The following SORCS1 variants were observed in gnomAD, a reference collection of about 807,000 sequenced individuals.
SORCS1 encodes the protein VPS10 domain-containing receptor SorCS1.
In SORCS1, 60 loss-of-function variants were observed where a neutral mutation model predicts 146.1. The ratio of observed to expected loss-of-function variants is 0.41; its 90% CI spans 0.33 to 0.51. The LOEUF (loss-of-function observed/expected upper bound fraction) is 0.51, where lower values mean the gene tolerates loss of function less well. SORCS1 is among the 20% of genes least tolerant of loss of function. SORCS1 has a pLI of 0.21. For missense variants in SORCS1, 1,352 were observed against 1,487.6 expected (o/e 0.91, Z 1.50); for synonymous variants, 637 against 584.0 (o/e 1.09, Z -1.31).
At chr10:106,862,469 G>C (rs1950052911) in intron 2 of SORCS1, among the ~76,000 whole-genome samples, 1 of 151,862 alleles carries the variant, frequency 6.6e-6, no homozygotes. Flanking sequence ...ATGACATTTA[G>C]AAATAATCTC....
At position 106,622,280 on chromosome 10, in the gene SORCS1, T is replaced by C. The variant is rs1003883903; in HGVS notation, c.2663-1719A>G. On this transcript the variant is annotated intron_variant, in intron 19 of 25. Transcript: ENST00000263054. Reference sequence around the variant, plus strand: ...ACTCCAGCCTGGTGACAGAGCAAGATTCCATCTCGAAAAAAAAAAAAAAAA... The same window carrying C: ...ACTCCAGCCTGGTGACAGAGCAAGACTCCATCTCGAAAAAAAAAAAAAAAA... 3.4e-4 allele frequency among the ~76,000 whole-genome samples: 43 copies of C among 125,494 alleles called. 1 individual carries two copies. The highest frequency in any genetic ancestry group is 4.7e-4 in the Non-Finnish European group (30 of 63,466). 82.3% of individuals were successfully genotyped at this position (125,494 alleles called of 152,430 possible).
intron 1 of SORCS1, among the ~76,000 whole-genome samples, chr10:107,021,317 C>T (rs1405772187): frequency 6.6e-6 from 1 of 151,740 alleles, no homozygotes; most frequent in Non-Finnish European, 1.5e-5. Flanking sequence ...TCGAGACCAT[C>T]CTGGTTAACA....
chr10:106,994,083 A>AG lies in SORCS1; in HGVS notation c.559-37504_559-37503insC, dbSNP rs1156879471. On this transcript the variant is annotated intron_variant, in intron 1 of 25. Coordinates refer to ENST00000263054, the MANE Select transcript of SORCS1 (RefSeq NM_052918.5). ...CATCTCAAAAAAAAAAAAAAAAAAA[A>AG]AAAAGAAAATGAGAAGCAAACAAAT... Among the ~76,000 whole-genome samples the AG allele has an allele frequency of 7.6e-4, 114 of 150,352 alleles. 1 individual carries two copies. Among genetic ancestry groups the AG allele is most frequent in the African/African-American group, 2.0e-3 (82 of 40,622 alleles).
chr10:106,865,543 G>C (rs910393512), intron 2 of SORCS1, among the ~76,000 whole-genome samples: 2 of 151,962 alleles, frequency 1.3e-5, no homozygotes, highest in Non-Finnish European at 2.9e-5. Flanking sequence ...GGGGAACATG[G>C]TGAAACCCCA....
At chr10:107,098,322 T>C (rs1190342064) in intron 1 of SORCS1, among the ~76,000 whole-genome samples, 3 of 152,198 alleles carry the variant, frequency 2.0e-5, no homozygotes, top group Non-Finnish European at 4.4e-5. Context: ...GCACATCACT[T>C]AGTAGACAAT....
intron 8 of SORCS1, among the ~76,000 whole-genome samples, chr10:106,705,826 C>G (rs1854477891): frequency 6.6e-6 from 1 of 152,200 alleles, no homozygotes; most frequent in African/African-American, 2.4e-5. Context: ...GGGATGTCAA[C>G]AGTTGAGGGT....
rs181091710 is a variant in SORCS1, at chr10:107,123,956, G to A, written c.558+40013C>T. On this transcript the variant is annotated intron_variant, in intron 1 of 25. Transcript: ENST00000263054. ...AAAAAAATGAGCTGGGCGTGGTGGC[G>A]GGTACCTGTAGTCCCAGCTACTCGG... Among the ~76,000 whole-genome samples the A allele has an allele frequency of 3.5e-3, 528 of 151,652 alleles. 3 individuals carry two copies. Among genetic ancestry groups the A allele is most frequent in the African/African-American group, 0.012 (483 of 41,388 alleles).
chr10:107,162,333 A>G (rs1285477887), intron 1 of SORCS1, among the ~76,000 whole-genome samples: 1 of 152,218 alleles, frequency 6.6e-6, no homozygotes, highest in Non-Finnish European at 1.5e-5. Context: ...CTCCCCTTAA[A>G]GCCAGAAGCT....
intron 8 of SORCS1, among the ~76,000 whole-genome samples, chr10:106,703,800 G>C (rs1354305391): frequency 6.6e-6 from 1 of 152,130 alleles, no homozygotes; most frequent in Non-Finnish European, 1.5e-5. Context: ...GTTTCTTTTT[G>C]AAGGTATAAT....
intron 1 of SORCS1, among the ~76,000 whole-genome samples, chr10:107,088,146 C>CTGACCTCATGATCCG (rs1963904612): frequency 6.6e-6 from 1 of 151,932 alleles, no homozygotes; most frequent in Non-Finnish European, 1.5e-5. Context: ...TCTCGGCCTC[C>CTGACCTCATGATCCG]CAAAGTGCTG....
intron 1 of SORCS1, among the ~76,000 whole-genome samples, chr10:106,973,052 G>A (rs999564592): frequency 9.9e-5 from 15 of 152,038 alleles, no homozygotes; most frequent in African/African-American, 7.2e-5. Flanking sequence ...TGGATTCCAC[G>A]GGCAGAGAGC....
At chr10:107,059,477 T>C (rs776629777) in intron 1 of SORCS1, among the ~76,000 whole-genome samples, 2 of 149,054 alleles carry the variant, frequency 1.3e-5, no homozygotes, top group Non-Finnish European at 1.5e-5. Flanking sequence ...AGACAAAGGC[T>C]CTATGCTGCC....
At chr10:106,704,718 A>G (rs941735460) in intron 8 of SORCS1, among the ~76,000 whole-genome samples, 3 of 152,150 alleles carry the variant, frequency 2.0e-5, no homozygotes, top group Non-Finnish European at 4.4e-5. Context: ...AAACAAAAAC[A>G]AAAACAAAAA....
intron 8 of SORCS1, among the ~76,000 whole-genome samples, chr10:106,700,495 C>A (rs920878985): frequency 1.3e-5 from 2 of 152,156 alleles, no homozygotes; most frequent in Admixed American, 6.5e-5. Context: ...AGAAGAACAA[C>A]GTAGAACAAT....
chr10:106,646,661 C>CA lies in SORCS1; in HGVS notation c.2475+5720dup, dbSNP rs886522058. On this transcript the variant is annotated intron_variant, in intron 18 of 25. Transcript: ENST00000263054. ...CGGTTGAGCTGAGATCTTGCCACTG[C>CA]ACTCCAGCCTGGGCGACAGAGTGAG... is the stretch of plus-strand genomic sequence containing the variant. Among the ~76,000 whole-genome samples, 95 of 152,194 alleles carry CA rather than the reference C, an allele frequency of 6.2e-4. 1 individual carries two copies. Among genetic ancestry groups the CA allele is most frequent in the African/African-American group, 2.3e-3 (94 of 41,502 alleles).
At chr10:106,844,158 T>C (rs1418338050) in intron 2 of SORCS1, among the ~76,000 whole-genome samples, 1 of 152,248 alleles carries the variant, frequency 6.6e-6, no homozygotes, top group East Asian at 1.9e-4. Context: ...CATCTTTTCA[T>C]ATACTATTGG....
At chr10:107,048,954 C>G (rs542949419) in intron 1 of SORCS1, among the ~76,000 whole-genome samples, 1 of 152,126 alleles carries the variant, frequency 6.6e-6, no homozygotes, top group South Asian at 2.1e-4. Flanking sequence ...AAGAGAGTGT[C>G]TGAGAGAGAA....
chr10:106,596,162 G>A (rs937287856), intron 24 of SORCS1, among the ~76,000 whole-genome samples: 2 of 152,050 alleles, frequency 1.3e-5, no homozygotes, highest in South Asian at 2.1e-4. Flanking sequence ...AATATGTTAC[G>A]TAGTCTCTCT....
At chr10:106,940,839 G>A (rs1954005852) in intron 2 of SORCS1, among the ~76,000 whole-genome samples, 1 of 152,196 alleles carries the variant, frequency 6.6e-6, no homozygotes, top group Non-Finnish European at 1.5e-5. Context: ...AGCCTAAGTT[G>A]TGCCATTGCA....
Sources: gnomAD v4.1 joint callset for allele counts (sites outside exome capture counted in the v4.1 genomes callset) on GRCh38, gnomAD v4.1.1 for gene constraint, MANE v1.5 for transcripts, NCBI Gene and HGNC (gene_info 2026-07-23, HGNC 2026-07-21) for gene names.